SLC8A3: variants seen among roughly 807,000 people sequenced by gnomAD.
SLC8A3 encodes the protein solute carrier family 8 member A3.
In SLC8A3, 37 loss-of-function variants were observed where a neutral mutation model predicts 65.4. The observed-to-expected ratio is 0.57, with a 90% CI of 0.44 to 0.74. SLC8A3 has a LOEUF of 0.74. Ranked by LOEUF, SLC8A3 falls within the 30% of genes least tolerant of loss-of-function variation. The pLI, the probability that SLC8A3 is intolerant of heterozygous loss-of-function variation, is 0.00. For missense variants in SLC8A3, 1,112 were observed against 1,172.1 expected, an observed-to-expected ratio of 0.95 and a Z score of 0.75; for synonymous variants, 461 against 444.5, an observed-to-expected ratio of 1.04 and a Z score of -0.47.
chr14:70,185,663 T>C (rs954033250), intron 1 of SLC8A3, among the ~76,000 whole-genome samples: 1 of 152,208 alleles, frequency 6.6e-6, no homozygotes, highest in African/African-American at 2.4e-5. Flanking sequence ...CCAATTCCAC[T>C]CATTCAACCA....
rs536208237 is a variant in SLC8A3, at chr14:70,079,501, TA to T, written c.1785-18563del. On this transcript the variant is annotated intron_variant, in intron 2 of 6. Coordinates refer to ENST00000356921, the MANE Select transcript of SLC8A3 (RefSeq NM_182932.3). Reference sequence around the variant, plus strand: ...CTGGGCGACAGAGTGAGACTCCATCTAAAAAAAAAATCTATTGAATGAATGA... The same window carrying T: ...CTGGGCGACAGAGTGAGACTCCATCTAAAAAAAAATCTATTGAATGAATGA... Among the ~76,000 whole-genome samples the T allele has an allele frequency of 4.8e-4, 71 of 149,328 alleles. 1 individual carries two copies. In the South Asian group the frequency reaches 7.3e-3, roughly 15 times the overall value.
chr14:70,143,380 C>T (rs758555773), intron 2 of SLC8A3, among the ~76,000 whole-genome samples: 6 of 152,158 alleles, frequency 3.9e-5, no homozygotes, highest in Non-Finnish European at 8.8e-5. Flanking sequence ...ACTAAGGAGC[C>T]AGGCGTGCTT....
chr14:70,107,834 T>C (rs1892980529), intron 2 of SLC8A3, among the ~76,000 whole-genome samples: 1 of 152,128 alleles, frequency 6.6e-6, no homozygotes. Context: ...CAGATAAATA[T>C]TGCTGCCCAG....
chr14:70,070,347 T>C (rs192489008), intron 2 of SLC8A3, among the ~76,000 whole-genome samples: 2 of 152,338 alleles, frequency 1.3e-5, no homozygotes, highest in East Asian at 3.9e-4. Context: ...TCATTTAATA[T>C]TCATAATAAC....
At chr14:70,131,984 G>T (rs1344878106) in intron 2 of SLC8A3, among the ~76,000 whole-genome samples, 1 of 152,230 alleles carries the variant, frequency 6.6e-6, no homozygotes, top group Admixed American at 6.5e-5. Flanking sequence ...TGGGGGAATA[G>T]AGTGATTGGA....
intron 5 of SLC8A3, among the ~76,000 whole-genome samples, chr14:70,049,406 T>A (rs533179898): frequency 2.0e-5 from 3 of 152,116 alleles, no homozygotes; most frequent in Admixed American, 6.5e-5. Context: ...CACTGCATGT[T>A]CTCACTCATA....
At chr14:70,117,698 G>A (rs1467551868) in intron 2 of SLC8A3, among the ~76,000 whole-genome samples, 1 of 152,104 alleles carries the variant, frequency 6.6e-6, no homozygotes, top group Non-Finnish European at 1.5e-5. Context: ...TGATAGTAGA[G>A]GACTCACCCT....
chr14:70,064,548 G>C (rs1889195906), intron 2 of SLC8A3, among the ~76,000 whole-genome samples: 1 of 151,784 alleles, frequency 6.6e-6, no homozygotes, highest in African/African-American at 2.4e-5. Context: ...CGGGGGTGGT[G>C]GTGGCGGCGG....
At chr14:70,142,320 G>A (rs763695890) in intron 2 of SLC8A3, among the ~76,000 whole-genome samples, 17 of 152,212 alleles carry the variant, frequency 1.1e-4, no homozygotes, top group East Asian at 5.8e-4. Flanking sequence ...GACTATGATC[G>A]TTCAGATTCA....
At position 70,046,074 on chromosome 14, in the gene SLC8A3, TGCG is replaced by T; in HGVS notation, c.2636_2638del (p.Pro879del). The T allele has an allele frequency of 6.2e-7, 1 of 1,614,100 alleles. No individual in the cohort carries two copies. The highest frequency in any genetic ancestry group is 1.1e-5 in the South Asian group (1 of 91,064). ...GGGGCCACCAAGCTCCCCTCCCAGGTGCGGCCGCCTTCGGTACAAGAGCACGCT... is the reference window on the plus strand; with the variant it reads ...GGGGCCACCAAGCTCCCCTCCCAGGTGCCGCCTTCGGTACAAGAGCACGCT... On this transcript the variant is annotated inframe_deletion, in exon 7 of 7. Transcript: ENST00000356921. The surrounding 1 kb of genome is among the most constrained non-coding windows in gnomAD (Gnocchi z 4.2).
intron 2 of SLC8A3, among the ~76,000 whole-genome samples, chr14:70,150,980 C>T (rs111806674): frequency 0.036 from 5,427 of 152,234 alleles, 325 homozygotes; most frequent in African/African-American, 0.12. Context: ...TCTGGCCAGG[C>T]GCGGTAGCTC....
intron 2 of SLC8A3, among the ~76,000 whole-genome samples, chr14:70,106,311 C>A (rs1184266540): frequency 6.6e-6 from 1 of 152,062 alleles, no homozygotes; most frequent in Non-Finnish European, 1.5e-5. Context: ...CCCCTTTGTG[C>A]TAATATTCTC....
At chr14:70,165,265 C>T (rs1459964153) in intron 2 of SLC8A3, among the ~76,000 whole-genome samples, 1 of 152,170 alleles carries the variant, frequency 6.6e-6, no homozygotes, top group Non-Finnish European at 1.5e-5. Context: ...GCAGGATCCC[C>T]CGGGTCACTC....
intron 1 of SLC8A3, among the ~76,000 whole-genome samples, chr14:70,173,835 A>G (rs1436348431): frequency 6.6e-6 from 1 of 152,228 alleles, no homozygotes; most frequent in Non-Finnish European, 1.5e-5. Flanking sequence ...CTCGAGAGAC[A>G]CAGGAATGAA....
At chr14:70,149,461 C>T (rs1594762370) in intron 2 of SLC8A3, among the ~76,000 whole-genome samples, 6 of 152,256 alleles carry the variant, frequency 3.9e-5, no homozygotes, top group Admixed American at 3.9e-4. Context: ...TTGTGGTTTT[C>T]ATCACAGGAG....
chr14:70,106,646 C>T (rs781045144), intron 2 of SLC8A3, among the ~76,000 whole-genome samples: 1 of 151,490 alleles, frequency 6.6e-6, no homozygotes, highest in African/African-American at 2.4e-5. Context: ...GAATCATGAC[C>T]TCACTAGAGT....
chr14:70,095,913 G>A (rs1436421640), intron 2 of SLC8A3, among the ~76,000 whole-genome samples: 1 of 151,278 alleles, frequency 6.6e-6, no homozygotes, highest in African/African-American at 2.4e-5. Flanking sequence ...GTGGAATCTC[G>A]CTCTGTCACC....
Position 70,060,871 on chromosome 14 carries a change from A to G in SLC8A3, c.1853T>C (p.Leu618Pro). ...YERQENFFIALGEPKWMERGI... is the reference protein window; with the variant it reads ...YERQENFFIAPGEPKWMERGI... ...ACGTTCCATCCATTTCGGTTCACCAAGGGCAATGAAGAAATTCTCTTGCCT... is the reference window on the plus strand; with the variant it reads ...ACGTTCCATCCATTTCGGTTCACCAGGGGCAATGAAGAAATTCTCTTGCCT... Residue 618 changes from leucine (L) to proline (P), a missense_variant, in exon 3 of 7, where the codon CTT (leucine) becomes CCT (proline). Physicochemically the swap from Leu to Pro is moderately conservative, Grantham distance 98 (BLOSUM62 -3). Coordinates refer to ENST00000356921, the MANE Select transcript of SLC8A3 (RefSeq NM_182932.3). The G allele has an allele frequency of 1.3e-6, 2 of 1,533,212 alleles. No individual in the cohort carries two copies. The highest frequency in any genetic ancestry group is 1.7e-6 in the Non-Finnish European group (2 of 1,142,938). 95.0% of individuals were successfully genotyped at this position (1,533,212 alleles called of 1,614,324 possible).
intron 3 of SLC8A3, 81 bp from the exon 4 acceptor site, chr14:70,052,195 C>A (rs1370146114): frequency 1.3e-6 from 2 of 1,486,960 alleles, no homozygotes; most frequent in African/African-American, 1.4e-5. Context: ...TAGGCATGGG[C>A]AGTGGGTACA....
Sources: allele counts gnomAD v4.1 joint callset (sites outside exome capture counted in the v4.1 genomes callset), GRCh38; gene constraint gnomAD v4.1.1; non-coding constraint Gnocchi (gnomAD v3.1); transcripts MANE v1.5; gene names NCBI Gene and HGNC (gene_info 2026-07-23, HGNC 2026-07-21).